The following GRB2 variants were observed in gnomAD, a reference collection of about 807,000 sequenced individuals.
The protein encoded by GRB2 is growth factor receptor bound protein 2.
A neutral mutation model predicts 27.4 loss-of-function variants in GRB2; 2 were observed. The observed-to-expected ratio is 0.07, with a 90% CI of 0.03 to 0.23. The LOEUF is 0.23. Among genes scored for constraint, GRB2 ranks in the 10% least tolerant of loss-of-function variants. The pLI, the probability that GRB2 is intolerant of heterozygous loss-of-function variation, is 1.00. For missense variants in GRB2, 102 were observed against 282.4 expected (o/e 0.36, Z 4.58); for synonymous variants, 94 against 99.6 (o/e 0.94, Z 0.33).
intron 2 of GRB2, among the ~76,000 whole-genome samples, chr17:75,346,963 C>G (rs1411159709): frequency 6.6e-6 from 1 of 152,080 alleles, no homozygotes; most frequent in African/African-American, 2.4e-5. Context: ...GAAGGTCAGA[C>G]GAAGGGAGGG....
At chr17:75,326,091 G>A (rs2078496844) in intron 3 of GRB2, 71 bp from the exon 4 acceptor site, 1 of 1,564,696 alleles carries the variant, frequency 6.4e-7, no homozygotes. Context: ...CCTTCAAAAT[G>A]TGAGTAACAC....
intron 2 of GRB2, among the ~76,000 whole-genome samples, chr17:75,334,165 A>T (rs1243082833): frequency 1.3e-5 from 2 of 151,190 alleles, no homozygotes; most frequent in South Asian, 2.1e-4. Flanking sequence ...ATTTTTTTTT[A>T]GATTTATTTA....
At chr17:75,350,543 G>A (rs1374628720) in intron 2 of GRB2, among the ~76,000 whole-genome samples, 2 of 152,192 alleles carry the variant, frequency 1.3e-5, no homozygotes, top group Non-Finnish European at 2.9e-5. Flanking sequence ...ACAGGCTGGA[G>A]TGCAGTGGCG....
chr17:75,326,261 T>A, intron 3 of GRB2: 1 of 520,044 alleles, frequency 1.9e-6, no homozygotes, highest in South Asian at 2.1e-5. Context: ...CGTGGGTCAC[T>A]CTTTCTATAG....
intron 2 of GRB2, among the ~76,000 whole-genome samples, chr17:75,337,135 T>C (rs568359589): frequency 6.6e-6 from 1 of 152,328 alleles, no homozygotes; most frequent in Non-Finnish European, 1.5e-5. Context: ...CAGGTATTGC[T>C]GCACATACCT....
At chr17:75,364,883 T>C (rs2078809549) in intron 2 of GRB2, among the ~76,000 whole-genome samples, 1 of 151,802 alleles carries the variant, frequency 6.6e-6, no homozygotes, top group African/African-American at 2.4e-5. Flanking sequence ...TTGAGGTCCA[T>C]TTAGGAAAAA....
intron 2 of GRB2, among the ~76,000 whole-genome samples, chr17:75,358,997 G>C (rs2078758283): frequency 6.8e-6 from 1 of 147,044 alleles, no homozygotes; most frequent in Admixed American, 6.8e-5. Context: ...TGTATTACCT[G>C]AGGTCAGGAA....
At chr17:75,339,192 T>A in intron 2 of GRB2, 2 of 838,592 alleles carry the variant, frequency 2.4e-6, no homozygotes, top group South Asian at 1.4e-5. Context: ...ATCCTGAGTT[T>A]ATGTTTTTTT....
intron 2 of GRB2, among the ~76,000 whole-genome samples, chr17:75,375,796 C>G (rs1201334801): frequency 6.6e-6 from 1 of 151,996 alleles, no homozygotes; most frequent in African/African-American, 2.4e-5. Context: ...GAGGCAGAGG[C>G]AGGTGGATCA....
chr17:75,380,767 G>C (rs1567872928), intron 2 of GRB2, among the ~76,000 whole-genome samples: 1 of 152,134 alleles, frequency 6.6e-6, no homozygotes, highest in African/African-American at 2.4e-5. Context: ...TTAAAAAATA[G>C]CACAAAATAA....
intron 2 of GRB2, among the ~76,000 whole-genome samples, chr17:75,333,179 G>A (rs1403265860): frequency 1.3e-5 from 2 of 152,076 alleles, no homozygotes; most frequent in Non-Finnish European, 2.9e-5. Flanking sequence ...GGGTTCAGGC[G>A]ATTCTCCTGC....
intron 2 of GRB2, among the ~76,000 whole-genome samples, chr17:75,374,281 A>G (rs1473218034): frequency 2.0e-5 from 3 of 151,174 alleles, no homozygotes; most frequent in Non-Finnish European, 3.0e-5. Context: ...GCGGGCGCCT[A>G]TAATTCCAGC....
intron 3 of GRB2, among the ~76,000 whole-genome samples, chr17:75,328,746 G>C (rs921700237): frequency 1.6e-4 from 25 of 152,226 alleles, no homozygotes; most frequent in Admixed American, 1.2e-3. Context: ...AGACCAACCT[G>C]GCTAACACGG....
At chr17:75,334,632 A>T (rs925514924) in intron 2 of GRB2, among the ~76,000 whole-genome samples, 1 of 152,118 alleles carries the variant, frequency 6.6e-6, no homozygotes, top group East Asian at 1.9e-4. Flanking sequence ...AATGATGACT[A>T]GTAGTAAAAT....
intron 2 of GRB2, chr17:75,338,702 A>G (rs2078598549): frequency 4.4e-6 from 2 of 452,986 alleles, no homozygotes; most frequent in South Asian, 4.7e-5. Flanking sequence ...TTTTTTGCAA[A>G]GAGACTGAAA....
chr17:75,363,907 T>G (rs2078803037), intron 2 of GRB2, among the ~76,000 whole-genome samples: 1 of 147,200 alleles, frequency 6.8e-6, no homozygotes, highest in Non-Finnish European at 1.5e-5. Context: ...AAGTTTGGCA[T>G]TCCTCAAGGT....
chr17:75,327,617 C>A (rs1323378313), intron 3 of GRB2, among the ~76,000 whole-genome samples: 1 of 151,948 alleles, frequency 6.6e-6, no homozygotes, highest in African/African-American at 2.4e-5. Context: ...GATCTGCCCG[C>A]CTCAGCCTCC....
At chr17:75,373,119 C>T (rs2078866806) in intron 2 of GRB2, 2 of 152,130 alleles carry the variant, frequency 1.3e-5, no homozygotes. Flanking sequence ...TGGTGGTGGG[C>T]ACCTGTAATC....
At chr17:75,327,650 C>T (rs1202475693) in intron 3 of GRB2, among the ~76,000 whole-genome samples, 1 of 150,236 alleles carries the variant, frequency 6.7e-6, no homozygotes, top group Non-Finnish European at 1.5e-5. Context: ...ATTAAAGTCG[C>T]GAGCCACCAC....
Sources: gnomAD v4.1 joint callset for allele counts (sites outside exome capture counted in the v4.1 genomes callset) on GRCh38, gnomAD v4.1.1 for gene constraint, MANE v1.5 for transcripts, NCBI Gene and HGNC (gene_info 2026-07-23, HGNC 2026-07-21) for gene names.